Variants in PSD3 observed in about 807,000 individuals in gnomAD.
The protein encoded by PSD3 is pleckstrin and Sec7 domain containing 3, also known as PH and SEC7 domain-containing protein 3.
A neutral mutation model predicts 105.5 loss-of-function variants in PSD3; 49 were observed. The ratio of observed to expected loss-of-function variants is 0.46; its 90% CI spans 0.37 to 0.59. PSD3 has a LOEUF of 0.59. PSD3 is among the 20% of genes least tolerant of loss of function. The pLI is 0.00. For synonymous variants in PSD3, 557 were observed against 457.8 expected (o/e 1.22, Z -2.77); for missense variants, 1,561 against 1,263.8 (o/e 1.24, Z -3.57).
At chr8:18,564,735 T>C (rs1801624220) in intron 14 of PSD3, among the ~76,000 whole-genome samples, 1 of 151,854 alleles carries the variant, frequency 6.6e-6, no homozygotes, top group South Asian at 2.1e-4. Context: ...ACTACAAGAA[T>C]GACCTCCTCC....
At position 19,068,125 on chromosome 8, in the gene PSD3, T is replaced by A. The variant is rs79024609; in HGVS notation, c.324+16081A>T. Reference sequence around the variant, plus strand: ...CCTTGGTTTTGGCTCCCCTGCAGCCTACATAGAGGTGATATCTGCCAGAGT... The same window carrying A: ...CCTTGGTTTTGGCTCCCCTGCAGCCAACATAGAGGTGATATCTGCCAGAGT... On this transcript the variant is annotated intron_variant, in intron 1 of 1. Coordinates refer to the PSD3 transcript ENST00000521475. Among the ~76,000 whole-genome samples, 36 of 152,144 alleles carry A rather than the reference T, an allele frequency of 2.4e-4. No individual in the cohort carries two copies. In the East Asian group the frequency reaches 5.2e-3, roughly 22 times the overall value.
chr8:18,915,025 G>A (rs1820491722), intron 2 of PSD3, among the ~76,000 whole-genome samples: 1 of 151,128 alleles, frequency 6.6e-6, no homozygotes, highest in South Asian at 2.1e-4. Flanking sequence ...AACAGAATAG[G>A]AAGCCCATAA....
At chr8:18,904,314 T>C (rs1819698584) in intron 2 of PSD3, among the ~76,000 whole-genome samples, 1 of 152,204 alleles carries the variant, frequency 6.6e-6, no homozygotes, top group Non-Finnish European at 1.5e-5. Flanking sequence ...CCCAGGATTG[T>C]ACAGCCACTG....
At chr8:18,789,617 T>C (rs1020368474) in intron 8 of PSD3, among the ~76,000 whole-genome samples, 4 of 152,198 alleles carry the variant, frequency 2.6e-5, no homozygotes. Flanking sequence ...CAGACTTCTA[T>C]TGATATTTCA....
At chr8:18,660,514 T>C (rs1172864733) in intron 9 of PSD3, among the ~76,000 whole-genome samples, 7 of 152,162 alleles carry the variant, frequency 4.6e-5, no homozygotes, top group Non-Finnish European at 8.8e-5. Flanking sequence ...TACCCACAGG[T>C]GGATTTCAGG....
chr8:18,547,357 G>A (rs1012646511), intron 15 of PSD3, among the ~76,000 whole-genome samples: 5 of 152,198 alleles, frequency 3.3e-5, no homozygotes, highest in African/African-American at 1.2e-4. Context: ...TAGGCTCAGG[G>A]CTTGCTGCGG....
At chr8:18,609,020 G>T (rs1805062773) in intron 11 of PSD3, among the ~76,000 whole-genome samples, 1 of 151,988 alleles carries the variant, frequency 6.6e-6, no homozygotes, top group African/African-American at 2.4e-5. Flanking sequence ...TTTACTATCA[G>T]AAAGTCATAA....
At chr8:18,571,094 C>T (rs1452892980) in intron 14 of PSD3, among the ~76,000 whole-genome samples, 1 of 152,042 alleles carries the variant, frequency 6.6e-6, no homozygotes, top group Non-Finnish European at 1.5e-5. Flanking sequence ...CTCCTGACCT[C>T]AGGTGATCTG....
At chr8:18,790,468 A>C (rs1809605762) in intron 8 of PSD3, among the ~76,000 whole-genome samples, 1 of 151,640 alleles carries the variant, frequency 6.6e-6, no homozygotes, top group South Asian at 2.1e-4. Context: ...ATGCCTGGCT[A>C]ATTTTTTGTA....
intron 11 of PSD3, among the ~76,000 whole-genome samples, chr8:18,620,351 T>TTTTG (rs1563387721): frequency 6.0e-5 from 9 of 149,344 alleles, no homozygotes; most frequent in East Asian, 1.9e-4. Context: ...TGTTTTTTTT[T>TTTTG]TTTTTTTTTC....
At chr8:18,676,594 G>C (rs1054655719) in intron 9 of PSD3, among the ~76,000 whole-genome samples, 1 of 152,122 alleles carries the variant, frequency 6.6e-6, no homozygotes, top group Admixed American at 6.6e-5. Context: ...AGGAAATGCC[G>C]AACAATTGAT....
intron 1 of PSD3, among the ~76,000 whole-genome samples, chr8:18,960,556 T>C (rs79437768): frequency 0.032 from 4,842 of 152,196 alleles, 269 homozygotes; most frequent in African/African-American, 0.11. Context: ...AGGGTCACAA[T>C]AGATCACCAG....
chr8:18,820,313 T>G (rs954273817), intron 4 of PSD3, among the ~76,000 whole-genome samples: 1 of 151,994 alleles, frequency 6.6e-6, no homozygotes, highest in African/African-American at 2.4e-5. Flanking sequence ...ATTAAGATAC[T>G]GACTTATCTC....
intron 2 of PSD3, among the ~76,000 whole-genome samples, chr8:18,933,570 C>T (rs10046656): frequency 0.013 from 1,919 of 152,274 alleles, 38 homozygotes; most frequent in African/African-American, 0.044. Context: ...TGGGCTCAAA[C>T]GATTCTCGTG....
chr8:18,718,613 C>T (rs1802749795), intron 9 of PSD3, among the ~76,000 whole-genome samples: 2 of 152,136 alleles, frequency 1.3e-5, no homozygotes, highest in East Asian at 1.9e-4. Context: ...AAAAGTATCA[C>T]ATGTATTCAT....
intron 2 of PSD3, among the ~76,000 whole-genome samples, chr8:18,890,423 A>T: frequency 6.6e-6 from 1 of 152,218 alleles, no homozygotes; most frequent in Non-Finnish European, 1.5e-5. Context: ...TTCCAAGAAG[A>T]TATTATGTGA....
chr8:18,828,330 G>A (rs1021379090), intron 4 of PSD3, among the ~76,000 whole-genome samples: 1 of 151,818 alleles, frequency 6.6e-6, no homozygotes, highest in Non-Finnish European at 1.5e-5. Context: ...TCCATTGAAG[G>A]CTTTGTTGTA....
intron 4 of PSD3, chr8:18,865,266 ATATATATATATATATATATATTTTTTTT>A (rs1816808800): frequency 1.2e-3 from 4 of 3,332 alleles, no homozygotes; most frequent in Admixed American, 4.0e-3. Context: ...ATATATATAT[ATATATATATATATATATATATTTTTTTT>A]TTTTTTTTTT....
At chr8:18,994,035 T>A (rs967305644) in intron 1 of PSD3, among the ~76,000 whole-genome samples, 8 of 152,098 alleles carry the variant, frequency 5.3e-5, no homozygotes, top group African/African-American at 1.4e-4. Context: ...GGAACCGGAC[T>A]GACTAGAGTT....
Sources: allele counts gnomAD v4.1 joint callset (sites outside exome capture counted in the v4.1 genomes callset), GRCh38; gene constraint gnomAD v4.1.1; transcripts MANE v1.5; gene names NCBI Gene and HGNC (gene_info 2026-07-23, HGNC 2026-07-21).